Variants in IL19 observed in about 807,000 individuals in gnomAD.
IL19 encodes interleukin-19.
Under a neutral mutation model 19.5 loss-of-function variants are expected in IL19, and 15 were observed. The ratio of observed to expected loss-of-function variants is 0.77; its 90% CI spans 0.52 to 1.19. The LOEUF is 1.19. IL19 is among the 50% of genes most tolerant of loss of function. The pLI is 0.00. For synonymous variants in IL19, 78 were observed against 78.3 expected (o/e 1.00, Z 0.02); for missense variants, 199 against 213.1 (o/e 0.93, Z 0.41).
intron 1 of IL19, among the ~76,000 whole-genome samples, chr1:206,787,493 T>C (rs1391197596): frequency 6.6e-6 from 1 of 152,210 alleles, no homozygotes; most frequent in Non-Finnish European, 1.5e-5. Context: ...TGTGAATATT[T>C]TGCTCATTTT....
At chr1:206,795,098 G>C (rs1288479925) in intron 1 of IL19, among the ~76,000 whole-genome samples, 3 of 152,140 alleles carry the variant, frequency 2.0e-5, no homozygotes, top group Non-Finnish European at 4.4e-5. Context: ...CACACAAAAA[G>C]CTTAGGCATA....
chr1:206,842,042 T>C (rs1435143242), intron 6 of IL19, among the ~76,000 whole-genome samples: 1 of 152,190 alleles, frequency 6.6e-6, no homozygotes, highest in Middle Eastern at 3.2e-3. Flanking sequence ...CCAGCTCTGT[T>C]ACTAACTGGC....
At chr1:206,780,776 TGTAA>T (rs1675110887) in intron 1 of IL19, among the ~76,000 whole-genome samples, 1 of 152,190 alleles carries the variant, frequency 6.6e-6, no homozygotes, top group Admixed American at 6.5e-5. Flanking sequence ...CCTTTACTCA[TGTAA>T]GTATCAAATC....
At chr1:206,794,757 A>G (rs1474853560) in intron 1 of IL19, among the ~76,000 whole-genome samples, 2 of 152,138 alleles carry the variant, frequency 1.3e-5, no homozygotes, top group Non-Finnish European at 2.9e-5. Flanking sequence ...CATCTGGGGC[A>G]CTTCTGTTTG....
In IL19 at chr1:206,836,684, C is replaced by T. The variant is rs773086649; in HGVS notation, c.22C>T (p.Leu8Phe). 6 of 1,611,506 alleles carry T rather than the reference C, an allele frequency of 3.7e-6. No homozygotes were observed. In the African/African-American group the frequency reaches 8.0e-5, roughly 22 times the overall value. The stretch of plus-strand genomic sequence containing the variant: ...AGGCATGAAGTTACAGTGTGTTTCC[C>T]TTTGGCTCCTGGGTACAATACTGAT... MKLQCVSLWLLGTILILC... is the reference protein window; with the variant it reads MKLQCVSFWLLGTILILC... The change falls in exon 3 of 7, where the codon CTT becomes TTT. Residue 8 changes from leucine (L) to phenylalanine (F), a missense_variant. Coordinates refer to ENST00000659997, the MANE Select transcript of IL19 (RefSeq NM_153758.5).
chr1:206,838,625 G>C (rs1374514790), intron 4 of IL19, among the ~76,000 whole-genome samples: 2 of 152,162 alleles, frequency 1.3e-5, no homozygotes, highest in African/African-American at 2.4e-5. Context: ...GTTAGGAACA[G>C]ACCCCCAAAT....
chr1:206,825,381 C>T (rs999584338), intron 2 of IL19, among the ~76,000 whole-genome samples: 2 of 152,188 alleles, frequency 1.3e-5, no homozygotes, highest in African/African-American at 4.8e-5. Context: ...ATGCAGCTGG[C>T]CAACTTGAAT....
At chr1:206,827,507 A>G (rs975798345) in intron 2 of IL19, among the ~76,000 whole-genome samples, 5 of 152,100 alleles carry the variant, frequency 3.3e-5, no homozygotes, top group East Asian at 3.9e-4. Context: ...TGGCTAACAC[A>G]GTGAAACCCC....
chr1:206,835,857 A>G (rs1169115789), intron 2 of IL19, among the ~76,000 whole-genome samples: 1 of 152,258 alleles, frequency 6.6e-6, no homozygotes, highest in Non-Finnish European at 1.5e-5. Context: ...ATTATGTGGC[A>G]CAATACAAAG....
At chr1:206,834,991 G>C (rs1413863371) in intron 2 of IL19, among the ~76,000 whole-genome samples, 1 of 152,204 alleles carries the variant, frequency 6.6e-6, no homozygotes, top group Non-Finnish European at 1.5e-5. Context: ...AGCATTAAAT[G>C]AGAAAATTAC....
chr1:206,800,408 T>C (rs1287878792), intron 2 of IL19, among the ~76,000 whole-genome samples: 2 of 152,250 alleles, frequency 1.3e-5, no homozygotes. Context: ...GATATGTTGC[T>C]GTGCAACATG....
chr1:206,833,505 C>A (rs978174429), intron 2 of IL19, among the ~76,000 whole-genome samples: 26 of 152,240 alleles, frequency 1.7e-4, no homozygotes, highest in African/African-American at 6.3e-4. Flanking sequence ...TAACTCAGTC[C>A]AAACCAATTA....
At chr1:206,789,028 A>G (rs1056537965) in intron 1 of IL19, among the ~76,000 whole-genome samples, 22 of 152,200 alleles carry the variant, frequency 1.4e-4, no homozygotes, top group African/African-American at 5.3e-4. Flanking sequence ...TGTTGTTTCC[A>G]CCAATAATCA....
intron 2 of IL19, chr1:206,828,837 A>G (rs1676507687): frequency 6.6e-6 from 1 of 151,952 alleles, no homozygotes; most frequent in South Asian, 2.1e-4. Flanking sequence ...TTTGAATTCA[A>G]TTTATTTTCC....
chr1:206,809,377 A>G (rs893057283), intron 2 of IL19, among the ~76,000 whole-genome samples: 8 of 152,156 alleles, frequency 5.3e-5, no homozygotes, highest in Non-Finnish European at 1.2e-4. Context: ...GTGGGCATGA[A>G]CTTCAGAAGA....
chr1:206,795,924 T>TAC (rs1675510301), intron 1 of IL19, among the ~76,000 whole-genome samples: 2 of 127,794 alleles, frequency 1.6e-5, no homozygotes, highest in Non-Finnish European at 3.4e-5. Context: ...TATAAATATA[T>TAC]ATATGTGTGT....
intron 1 of IL19, among the ~76,000 whole-genome samples, chr1:206,797,851 G>A (rs1428027365): frequency 6.6e-6 from 1 of 152,214 alleles, no homozygotes; most frequent in South Asian, 2.1e-4. Flanking sequence ...CTTTCTCCAC[G>A]TGACTATGAG....
At chr1:206,816,934 G>C (rs1368093106) in intron 2 of IL19, among the ~76,000 whole-genome samples, 1 of 152,120 alleles carries the variant, frequency 6.6e-6, no homozygotes, top group Non-Finnish European at 1.5e-5. Context: ...GATAAGAAAA[G>C]AAACAACTTG....
chr1:206,804,659 G>C (rs1228547362), intron 2 of IL19, among the ~76,000 whole-genome samples: 3 of 152,220 alleles, frequency 2.0e-5, no homozygotes, highest in African/African-American at 7.2e-5. Flanking sequence ...ATGCCTGAGG[G>C]AATGACCCAG....
Sources: gnomAD v4.1 joint callset for allele counts (sites outside exome capture counted in the v4.1 genomes callset) on GRCh38, gnomAD v4.1.1 for gene constraint, MANE v1.5 for transcripts, NCBI Gene and HGNC (gene_info 2026-07-23, HGNC 2026-07-21) for gene names.